WNK1: variants seen among roughly 807,000 people sequenced by gnomAD.
WNK1 encodes serine/threonine-protein kinase WNK1.
In WNK1, 38 loss-of-function variants were observed where a neutral mutation model predicts 222.8. The observed-to-expected ratio is 0.17, with a 90% CI of 0.13 to 0.22. The LOEUF is 0.22. Ranked by LOEUF, WNK1 falls within the 10% of genes least tolerant of loss-of-function variation. The probability of loss-of-function intolerance (pLI) is 1.00; values close to 1 mark genes in which losing one functional copy is unlikely to be tolerated. For synonymous variants in WNK1, 1,090 were observed against 1,092.9 expected, an observed-to-expected ratio of 1.00 and a Z score of 0.05; for missense variants, 2,348 against 2,918.4, an observed-to-expected ratio of 0.80 and a Z score of 4.50.
chr12:893,003 C>A (rs1197073608), intron 22 of WNK1, among the ~76,000 whole-genome samples: 3 of 152,152 alleles, frequency 2.0e-5, no homozygotes, highest in African/African-American at 7.2e-5. Flanking sequence ...ACCTCTAATC[C>A]CAGCACTTTG....
intron 4 of WNK1, among the ~76,000 whole-genome samples, chr12:837,103 C>T (rs1019768520): frequency 2.0e-5 from 3 of 152,178 alleles, no homozygotes; most frequent in Non-Finnish European, 2.9e-5. Flanking sequence ...GAGCAGTCCC[C>T]AGAATCACAG....
At chr12:826,095 C>G (rs918571383) in intron 2 of WNK1, among the ~76,000 whole-genome samples, 1 of 152,182 alleles carries the variant, frequency 6.6e-6, no homozygotes, top group African/African-American at 2.4e-5. Context: ...TTGGTGCCTG[C>G]TTTCTGAGAT....
At chr12:892,368 A>G (rs971328937) in intron 22 of WNK1, among the ~76,000 whole-genome samples, 9 of 152,334 alleles carry the variant, frequency 5.9e-5, no homozygotes, top group African/African-American at 2.2e-4. Flanking sequence ...GCAATGGACA[A>G]TACATAAATA....
intron 2 of WNK1, among the ~76,000 whole-genome samples, chr12:820,508 C>T (rs1199761642): frequency 7.6e-6 from 1 of 130,764 alleles, no homozygotes; most frequent in Non-Finnish European, 1.6e-5. Context: ...TGGGGTTTCA[C>T]TCTGTCACCG....
intron 1 of WNK1, among the ~76,000 whole-genome samples, chr12:784,161 A>G (rs1205385609): frequency 3.3e-5 from 5 of 152,164 alleles, no homozygotes; most frequent in African/African-American, 1.2e-4. Flanking sequence ...TTTTGAGACC[A>G]CAGTGAGCCA....
Position 882,857 on chromosome 12 carries a change from C to T in WNK1, c.3373-86C>T, listed in dbSNP as rs1388603825. On this transcript the variant is annotated intron_variant, in intron 14 of 27. Coordinates refer to ENST00000315939, the MANE Select transcript of WNK1 (RefSeq NM_018979.4). ...CACTATGCTTCCTTAGACATAAAGT[C>T]AAGTGCTAATCTGCATTGCTTTTCT... 3.5e-6 allele frequency: 3 copies of T among 848,010 alleles called. No homozygotes were observed. The African/African-American group carries it at 5.0e-5, about 14-fold the overall frequency. The allele number at this position is 848,010 out of a possible 1,614,324, so 52.5% of individuals were successfully genotyped here.
At chr12:839,790 C>T (rs1949477545) in intron 4 of WNK1, among the ~76,000 whole-genome samples, 1 of 151,992 alleles carries the variant, frequency 6.6e-6, no homozygotes, top group Non-Finnish European at 1.5e-5. Context: ...AGTCTTGTCT[C>T]ACTGCAACCT....
Position 753,678 on chromosome 12 carries a change from A to G in WNK1, c.113A>G (p.Lys38Arg). The G allele has an allele frequency of 6.2e-7, 1 of 1,612,112 alleles. No homozygotes were observed. Among genetic ancestry groups the G allele is most frequent in the Non-Finnish European group, 8.5e-7 (1 of 1,179,768 alleles). Residue 38 changes from lysine to arginine, a missense_variant, in exon 1 of 28, where the codon AAA (lysine) becomes AGA (arginine). Coordinates refer to ENST00000315939, the MANE Select transcript of WNK1 (RefSeq NM_018979.4). This position sits in a 1 kb window ranked among gnomAD's most constrained non-coding sequence, Gnocchi z 5.2. ...AGCTCCGATTCCTCCGTGGGGGAGA[A>G]ACTGGGAGCCGCGGCCGCCGACGCT... ...GSSSDSSVGE[K>R]LGAAAADAVT...
At chr12:844,316 G>A (rs1949856339) in intron 4 of WNK1, among the ~76,000 whole-genome samples, 1 of 151,984 alleles carries the variant, frequency 6.6e-6, no homozygotes, top group Admixed American at 6.6e-5. Flanking sequence ...GTATTTTCTG[G>A]TAGAGATGGG....
At position 906,376 on chromosome 12, in the gene WNK1, C is replaced by T. The variant is rs190227545; in HGVS notation, c.6644-1471C>T. Reference sequence around the variant, plus strand: ...TAGACTCCCTCCTCTCTCATCAAACCGCAGAAATAGAGTTCCTTCATCATA... The same window carrying T: ...TAGACTCCCTCCTCTCTCATCAAACTGCAGAAATAGAGTTCCTTCATCATA... On this transcript the variant is annotated intron_variant, in intron 26 of 27. Coordinates refer to ENST00000315939, the MANE Select transcript of WNK1 (RefSeq NM_018979.4). 32 of 985,308 alleles carry T rather than the reference C, an allele frequency of 3.2e-5. No individual in the cohort carries two copies. The South Asian group carries it at 3.3e-4, about 10-fold the overall frequency. The allele number at this position is 985,308 out of a possible 1,614,324, so 61.0% of individuals were successfully genotyped here. A position where few individuals can be genotyped will look rare whatever the true frequency, so the allele number is the denominator to read the frequency against.
chr12:875,587 G>A lies in WNK1; in HGVS notation c.2224-2625G>A, dbSNP rs191935415. 1.3e-4 allele frequency among the ~76,000 whole-genome samples: 20 copies of A among 152,172 alleles called. No individual in the cohort carries two copies. In the East Asian group the frequency reaches 3.7e-3, roughly 28 times the overall value. ...ACTGGCTTAAAGATCTCTTTAAGATGTCAATATAAGGGTTACATGAATAAA... is the reference window on the plus strand; with the variant it reads ...ACTGGCTTAAAGATCTCTTTAAGATATCAATATAAGGGTTACATGAATAAA... On this transcript the variant is annotated intron_variant, in intron 9 of 27. Coordinates refer to ENST00000315939, the MANE Select transcript of WNK1 (RefSeq NM_018979.4).
chr12:815,580 A>G (rs1030158278), intron 2 of WNK1, among the ~76,000 whole-genome samples: 2 of 152,222 alleles, frequency 1.3e-5, no homozygotes, highest in African/African-American at 4.8e-5. Flanking sequence ...CTAGCACTAT[A>G]TACCTAGTAC....
At chr12:888,306 C>A (rs781367137) in intron 20 of WNK1, among the ~76,000 whole-genome samples, 4 of 152,116 alleles carry the variant, frequency 2.6e-5, no homozygotes, top group African/African-American at 4.8e-5. Context: ...CATCAGCCAC[C>A]ACATTTGGGG....
intron 1 of WNK1, among the ~76,000 whole-genome samples, chr12:786,240 A>G: frequency 6.6e-6 from 1 of 152,136 alleles, no homozygotes; most frequent in East Asian, 1.9e-4. Flanking sequence ...CTACAAAATA[A>G]TTGTGGATTT....
At chr12:869,068 C>G (rs72649857) in intron 8 of WNK1, 1 of 1,613,846 alleles carries the variant, frequency 6.2e-7, no homozygotes. Flanking sequence ...TCTTAACTGC[C>G]TCATTTTCTT....
rs959267427 is a variant in WNK1 at position 753,400 on chromosome 12, G to T, written c.-166G>T. 1.9e-5 allele frequency: 17 copies of T among 880,542 alleles called. No individual in the cohort carries two copies. The highest frequency in any genetic ancestry group is 5.3e-5 in the Admixed American group (2 of 38,092). 54.5% of individuals were successfully genotyped at this position (880,542 alleles called of 1,614,324 possible). A position where few individuals can be genotyped will look rare whatever the true frequency, so the allele number is the denominator to read the frequency against. Reference sequence around the variant, plus strand: ...CCGCCGCAGCTGGGCCCAGCGGTCCGCCTGTCCCTCGTTGCGGCTTGTCGG... The same window carrying T: ...CCGCCGCAGCTGGGCCCAGCGGTCCTCCTGTCCCTCGTTGCGGCTTGTCGG... On this transcript the variant is annotated 5_prime_UTR_variant, in exon 1 of 28. Transcript: ENST00000315939. This position sits in a 1 kb window ranked among gnomAD's most constrained non-coding sequence, Gnocchi z 5.2.
chr12:909,020 G>A lies in WNK1; in HGVS notation c.*228G>A. The A allele has an allele frequency of 1.7e-6, 1 of 578,028 alleles. No homozygotes were observed. Among genetic ancestry groups the A allele is most frequent in the Admixed American group, 3.0e-5 (1 of 33,794 alleles). The allele number at this position is 578,028 out of a possible 1,614,324, so 35.8% of individuals were successfully genotyped here. On this transcript the variant is annotated 3_prime_UTR_variant, in exon 28 of 28. Transcript: ENST00000315939. ...AGGAAAGAACAGCTTTTTTGTCAAGGGGCAGCTTCAGACCATGCTTTCCTG... is the reference window on the plus strand; with the variant it reads ...AGGAAAGAACAGCTTTTTTGTCAAGAGGCAGCTTCAGACCATGCTTTCCTG...
chr12:901,634 T>C, intron 26 of WNK1: 1 of 1,289,064 alleles, frequency 7.8e-7, no homozygotes, highest in Non-Finnish European at 1.0e-6. Flanking sequence ...GATTTCTGAG[T>C]ACGCCCTGCT....
intron 1 of WNK1, among the ~76,000 whole-genome samples, chr12:785,564 A>AT (rs1220615497): frequency 4.6e-5 from 7 of 151,450 alleles, no homozygotes; most frequent in East Asian, 1.9e-4. Flanking sequence ...CGCCCAGCTA[A>AT]TTTTTTGTAT....
Sources: gnomAD v4.1 joint callset for allele counts (sites outside exome capture counted in the v4.1 genomes callset) on GRCh38, gnomAD v4.1.1 for gene constraint, Gnocchi (gnomAD v3.1) non-coding constraint, MANE v1.5 for transcripts, NCBI Gene and HGNC (gene_info 2026-07-23, HGNC 2026-07-21) for gene names.